AOPEP: variants seen among roughly 807,000 people sequenced by gnomAD.
The protein encoded by AOPEP is aminopeptidase O (putative).
A neutral mutation model predicts 98.1 loss-of-function variants in AOPEP; 77 were observed. The ratio of observed to expected loss-of-function variants is 0.78; its 90% CI spans 0.65 to 0.95. AOPEP has a LOEUF of 0.95. Among genes scored for constraint, AOPEP ranks in the 40% least tolerant of loss-of-function variants. The probability of loss-of-function intolerance (pLI) is 0.00; values close to 1 mark genes in which losing one functional copy is unlikely to be tolerated. For synonymous variants in AOPEP, 346 were observed against 365.3 expected, an observed-to-expected ratio of 0.95 and a Z score of 0.60; for missense variants, 1,024 against 1,024.7, an observed-to-expected ratio of 1.00 and a Z score of 0.01.
intron 15 of AOPEP, among the ~76,000 whole-genome samples, chr9:95,082,223 G>C (rs1035683815): frequency 6.6e-6 from 1 of 152,180 alleles, no homozygotes; most frequent in Non-Finnish European, 1.5e-5. Context: ...ATGCCACACA[G>C]GCTCTCCGCG....
intron 13 of AOPEP, among the ~76,000 whole-genome samples, chr9:95,039,413 T>G (rs890002362): frequency 9.2e-5 from 14 of 151,682 alleles, no homozygotes; most frequent in African/African-American, 3.4e-4. Context: ...CAAAAAAAAA[T>G]ACTAAAAAAT....
At chr9:94,827,400 C>T (rs1036809936) in intron 5 of AOPEP, among the ~76,000 whole-genome samples, 10 of 152,122 alleles carry the variant, frequency 6.6e-5, no homozygotes, top group Admixed American at 3.9e-4. Context: ...TTTACATTTT[C>T]GTCCACTGAA....
chr9:94,873,243 C>T (rs1476819200), intron 5 of AOPEP, among the ~76,000 whole-genome samples: 2 of 152,142 alleles, frequency 1.3e-5, no homozygotes, highest in Non-Finnish European at 2.9e-5. Flanking sequence ...GGATTCATGG[C>T]CAAAGGAAAT....
chr9:94,812,686 C>T (rs1850869477), intron 5 of AOPEP, among the ~76,000 whole-genome samples: 1 of 152,020 alleles, frequency 6.6e-6, no homozygotes, highest in African/African-American at 2.4e-5. Context: ...CACTCTGTGC[C>T]CCTGCCCTTC....
intron 14 of AOPEP, among the ~76,000 whole-genome samples, chr9:95,077,999 A>T (rs1316231993): frequency 6.6e-6 from 1 of 151,906 alleles, no homozygotes; most frequent in Non-Finnish European, 1.5e-5. Context: ...ACATACACTT[A>T]GCTCTTTATA....
At chr9:94,809,896 G>C (rs1850103545) in intron 5 of AOPEP, 1 of 155,584 alleles carries the variant, frequency 6.4e-6, no homozygotes, top group South Asian at 2.0e-4. Context: ...CTACCCTGGA[G>C]ACTGACTCAG....
the AOPEP span, among the ~76,000 whole-genome samples, chr9:95,104,932 G>A: frequency 2.0e-5 from 3 of 152,170 alleles, no homozygotes; most frequent in Non-Finnish European, 4.4e-5. Flanking sequence ...ACCCATAGGT[G>A]AGAGCATGCA....
At chr9:94,866,304 G>A (rs1018994847) in intron 5 of AOPEP, among the ~76,000 whole-genome samples, 3 of 152,162 alleles carry the variant, frequency 2.0e-5, no homozygotes, top group African/African-American at 7.2e-5. Flanking sequence ...TTATGAAATG[G>A]GGACTCTGAA....
the AOPEP span, chr9:95,098,941 C>T: frequency 1.7e-4 from 30 of 172,632 alleles, no homozygotes; most frequent in Admixed American, 7.0e-4. Flanking sequence ...AAGCCATCCT[C>T]GGTCTCTTCC....
intron 5 of AOPEP, chr9:94,904,012 A>T (rs2050794221): frequency 6.6e-6 from 1 of 151,608 alleles, no homozygotes; most frequent in African/African-American, 2.4e-5. Flanking sequence ...AAAAAAAAAA[A>T]TTACTAAAAC....
intron 10 of AOPEP, among the ~76,000 whole-genome samples, chr9:94,970,212 C>T (rs538489100): frequency 2.6e-5 from 4 of 152,118 alleles, no homozygotes; most frequent in Non-Finnish European, 5.9e-5. Context: ...TTTGTGGGTG[C>T]ATGTGGTATT....
At chr9:94,964,662 C>T (rs1436477244) in intron 9 of AOPEP, among the ~76,000 whole-genome samples, 8 of 121,162 alleles carry the variant, frequency 6.6e-5, no homozygotes, top group East Asian at 2.5e-4. Context: ...TTTTTTGAGA[C>T]GGAGTCTCTC....
chr9:94,889,848 C>T (rs1297141999), intron 5 of AOPEP, among the ~76,000 whole-genome samples: 2 of 152,136 alleles, frequency 1.3e-5, no homozygotes. Flanking sequence ...TTTAGTGTTA[C>T]CACTTTGTAA....
chr9:94,917,862 T>C (rs1270827912), intron 5 of AOPEP, among the ~76,000 whole-genome samples: 1 of 152,174 alleles, frequency 6.6e-6, no homozygotes, highest in Non-Finnish European at 1.5e-5. Flanking sequence ...CTTATTTTCT[T>C]CCCTCATCTT....
At chr9:94,860,724 C>G (rs2044838507) in intron 5 of AOPEP, among the ~76,000 whole-genome samples, 2 of 152,092 alleles carry the variant, frequency 1.3e-5, no homozygotes, top group East Asian at 3.8e-4. Flanking sequence ...GCTCCATTGA[C>G]TAATGTGGGG....
chr9:94,730,931 GAAA>G (rs554747599), intron 1 of AOPEP, among the ~76,000 whole-genome samples: 1 of 151,910 alleles, frequency 6.6e-6, no homozygotes, highest in South Asian at 2.1e-4. Flanking sequence ...TAATGTTAAA[GAAA>G]AAAAAGACGA....
At chr9:94,916,058 T>G (rs1198845701) in intron 5 of AOPEP, among the ~76,000 whole-genome samples, 1 of 152,262 alleles carries the variant, frequency 6.6e-6, no homozygotes, top group South Asian at 2.1e-4. Context: ...TTGTGCTCGC[T>G]GTGAAAACCA....
At chr9:94,781,279 G>A (rs1051867884) in intron 3 of AOPEP, among the ~76,000 whole-genome samples, 3 of 152,118 alleles carry the variant, frequency 2.0e-5, no homozygotes, top group Non-Finnish European at 4.4e-5. Flanking sequence ...ATTGAGCGCA[G>A]AGACCCAATG....
chr9:94,876,782 C>T (rs1291638416), intron 5 of AOPEP, among the ~76,000 whole-genome samples: 1 of 152,124 alleles, frequency 6.6e-6, no homozygotes, highest in African/African-American at 2.4e-5. Flanking sequence ...CTCAGTTTTC[C>T]TCAGTACCAA....
Sources: allele counts gnomAD v4.1 joint callset (sites outside exome capture counted in the v4.1 genomes callset), GRCh38; gene constraint gnomAD v4.1.1; transcripts MANE v1.5; gene names NCBI Gene and HGNC (gene_info 2026-07-23, HGNC 2026-07-21).